Variants in ZNF609 observed in about 807,000 individuals in gnomAD.
ZNF609 encodes zinc finger protein 609.
ZNF609 carries 11 observed loss-of-function variants against 109.5 expected under a neutral mutation model. The ratio of observed to expected loss-of-function variants is 0.10; its 90% CI spans 0.06 to 0.17. ZNF609 has a LOEUF of 0.17. ZNF609 is among the 10% of genes least tolerant of loss of function. ZNF609 has a pLI of 1.00. For missense variants in ZNF609, 1,559 were observed against 1,772.4 expected, an observed-to-expected ratio of 0.88 and a Z score of 2.16; for synonymous variants, 646 against 662.0, an observed-to-expected ratio of 0.98 and a Z score of 0.37.
At chr15:64,667,234 C>G (rs1272491942) in intron 3 of ZNF609, among the ~76,000 whole-genome samples, 1 of 152,214 alleles carries the variant, frequency 6.6e-6, no homozygotes, top group African/African-American at 2.4e-5. Flanking sequence ...GGTTTTCTAA[C>G]TCCATGTCCA....
chr15:64,532,026 C>T (rs1436677701), intron 2 of ZNF609, among the ~76,000 whole-genome samples: 3 of 152,138 alleles, frequency 2.0e-5, no homozygotes, highest in Non-Finnish European at 4.4e-5. Flanking sequence ...ACCTCTATGG[C>T]CTTATCTCCT....
intron 2 of ZNF609, among the ~76,000 whole-genome samples, chr15:64,609,800 G>A (rs964044391): frequency 6.8e-6 from 1 of 146,310 alleles, no homozygotes; most frequent in African/African-American, 2.5e-5. Flanking sequence ...GGCCAAGGCG[G>A]GTGGATCACT....
chr15:64,461,396 A>G (rs955935784), intron 1 of ZNF609, among the ~76,000 whole-genome samples: 1 of 151,808 alleles, frequency 6.6e-6, no homozygotes, highest in Admixed American at 6.6e-5. Flanking sequence ...AGATGGAGGG[A>G]TCCCTGGGCC....
intron 2 of ZNF609, among the ~76,000 whole-genome samples, chr15:64,536,429 C>T (rs1894144486): frequency 6.6e-6 from 1 of 152,170 alleles, no homozygotes; most frequent in Non-Finnish European, 1.5e-5. Flanking sequence ...GAGTCACCCA[C>T]TACTAACCTT....
chr15:64,463,712 A>G (rs1892974932), intron 1 of ZNF609, among the ~76,000 whole-genome samples: 1 of 152,222 alleles, frequency 6.6e-6, no homozygotes, highest in Admixed American at 6.5e-5. Context: ...AGGAGGGAAC[A>G]GGTTGTTCTG....
intron 2 of ZNF609, among the ~76,000 whole-genome samples, chr15:64,591,171 T>C (rs1205500687): frequency 1.3e-5 from 2 of 152,120 alleles, no homozygotes; most frequent in African/African-American, 4.8e-5. Flanking sequence ...GGCTCACGCC[T>C]GCAATCCCAG....
At chr15:64,570,431 C>A (rs1848589021) in intron 2 of ZNF609, among the ~76,000 whole-genome samples, 1 of 152,162 alleles carries the variant, frequency 6.6e-6, no homozygotes, top group African/African-American at 2.4e-5. Flanking sequence ...TTCCTGGTGG[C>A]CTTGCTTAGA....
intron 2 of ZNF609, among the ~76,000 whole-genome samples, chr15:64,571,388 G>A (rs1178666134): frequency 6.6e-6 from 1 of 152,126 alleles, no homozygotes; most frequent in Non-Finnish European, 1.5e-5. Context: ...TAGATTAAAT[G>A]GGTTAATAAA....
In ZNF609 at chr15:64,678,151, T is replaced by C. The variant is rs749994096; in HGVS notation, c.3438T>C (p.Pro1146=). 1 of 1,613,722 alleles carries C rather than the reference T, an allele frequency of 6.2e-7. No homozygotes were observed. The highest frequency in any genetic ancestry group is 1.1e-5 in the South Asian group (1 of 91,072). ...CCCGGATGTGGACATATGTTTATCC[T>C]GCCAAGTACTCAGACATCAAGTCAG... The part of the protein sequence containing the change: ...AEPRMWTYVY[P]AKYSDIKSED... Residue 1146 remains proline, a synonymous_variant, in exon 6 of 10, where the codon CCT becomes CCC. Transcript: ENST00000326648.
chr15:64,614,513 G>A (rs371653750), intron 2 of ZNF609, among the ~76,000 whole-genome samples: 10 of 152,194 alleles, frequency 6.6e-5, no homozygotes, highest in Non-Finnish European at 1.0e-4. Context: ...CATTACAGGC[G>A]TGAGCCACCG....
Position 64,681,367 on chromosome 15 carries a change from AC to A in ZNF609, c.4227del (p.Arg1410GlyfsTer30), listed in dbSNP as rs2141020817. On this transcript the variant is annotated frameshift_variant, in exon 9 of 10. Coordinates refer to ENST00000326648, the MANE Select transcript of ZNF609 (RefSeq NM_015042.2). LOFTEE classifies it high-confidence loss of function. ...QQGSTPSLYP[P>X]PRR ...AAGGCTCAACTCCCTCACTCTACCCACCCCCCAGGAGGTGAGAATGGTAAGT... is the reference window on the plus strand; with the variant it reads ...AAGGCTCAACTCCCTCACTCTACCCACCCCCAGGAGGTGAGAATGGTAAGT... 6.2e-7 allele frequency: 1 copy of A among 1,613,208 alleles called. No homozygotes were observed. Among genetic ancestry groups the A allele is most frequent in the Non-Finnish European group, 8.5e-7 (1 of 1,179,688 alleles).
intron 3 of ZNF609, 112 bp from the exon 4 acceptor site, chr15:64,670,234 C>T (rs1317530141): frequency 1.3e-5 from 11 of 825,710 alleles, no homozygotes; most frequent in East Asian, 5.0e-5. Flanking sequence ...CATTGGTACC[C>T]AGAGTACCTC....
rs368436170 is a variant in ZNF609 at position 64,674,529 on chromosome 15, T to C, written c.1675T>C (p.Leu559=). ...NGASVSQKGS[L]SPARSATPKV... is the part of the protein sequence containing the mutation. ...TGCATCTGTCTCACAAAAAGGTTCC[T>C]TGTCCCCTGCCCGCTCAGCTACCCC... The change falls in exon 5 of 10, where the codon TTG becomes CTG. Residue 559 remains leucine, a synonymous_variant. Transcript: ENST00000326648. 3.7e-6 allele frequency: 6 copies of C among 1,614,140 alleles called. No homozygotes were observed. Among genetic ancestry groups the C allele is most frequent in the Non-Finnish European group, 5.1e-6 (6 of 1,180,020 alleles).
intron 2 of ZNF609, among the ~76,000 whole-genome samples, chr15:64,568,751 A>G (rs578257896): frequency 6.6e-6 from 1 of 152,308 alleles, no homozygotes; most frequent in East Asian, 1.9e-4. Context: ...AACATCTACA[A>G]TGTGTAAAAC....
intron 1 of ZNF609, among the ~76,000 whole-genome samples, chr15:64,461,141 G>A (rs2140323728): frequency 6.8e-6 from 1 of 147,770 alleles, no homozygotes; most frequent in African/African-American, 2.5e-5. Context: ...ATGGGAGCAG[G>A]CCAGAGAGTT....
rs200827845 is a variant in ZNF609 at position 64,645,939 on chromosome 15, T to C, written c.973+22887T>C. On this transcript the variant is annotated intron_variant, in intron 3 of 9. Coordinates refer to ENST00000326648, the MANE Select transcript of ZNF609 (RefSeq NM_015042.2). ...CCCTTGAGAACTGTTGGTTGGAACA[T>C]AAAATGAGTACAAGCCATTGTGGAA... Among the ~76,000 whole-genome samples the C allele has an allele frequency of 2.4e-4, 36 of 152,268 alleles. No individual in the cohort carries two copies. In the East Asian group the frequency reaches 5.0e-3, roughly 21 times the overall value.
intron 3 of ZNF609, among the ~76,000 whole-genome samples, chr15:64,657,757 G>A (rs1183512917): frequency 8.5e-5 from 13 of 152,216 alleles, no homozygotes; most frequent in Admixed American, 7.9e-4. Flanking sequence ...TTAGACTCTA[G>A]TGGTTGTGGG....
At chr15:64,561,570 TA>T (rs1323020922) in intron 2 of ZNF609, among the ~76,000 whole-genome samples, 1 of 148,240 alleles carries the variant, frequency 6.7e-6, no homozygotes, top group Non-Finnish European at 1.5e-5. Flanking sequence ...TTTTTTTTTT[TA>T]AATGATTTAG....
chr15:64,522,984 AAAGG>A (rs1342091568), intron 2 of ZNF609, among the ~76,000 whole-genome samples: 1 of 152,078 alleles, frequency 6.6e-6, no homozygotes, highest in African/African-American at 2.4e-5. Flanking sequence ...AAAAAAAAAA[AAAGG>A]AAATTTTGGT....
Sources: allele counts gnomAD v4.1 joint callset (sites outside exome capture counted in the v4.1 genomes callset), GRCh38; gene constraint gnomAD v4.1.1; transcripts MANE v1.5; gene names NCBI Gene and HGNC (gene_info 2026-07-23, HGNC 2026-07-21).